The following AGPAT5 variants were observed in gnomAD, a reference collection of about 807,000 sequenced individuals.
AGPAT5 encodes the protein 1-acylglycerol-3-phosphate O-acyltransferase 5.
AGPAT5 carries 46 observed loss-of-function variants against 45.6 expected under a neutral mutation model. The ratio of observed to expected loss-of-function variants is 1.01; its 90% CI spans 0.80 to 1.29. AGPAT5 has a LOEUF of 1.29. Ranked by LOEUF, AGPAT5 falls within the 50% of genes most tolerant of loss-of-function variation. The probability of loss-of-function intolerance (pLI) is 0.00; values close to 1 mark genes in which losing one functional copy is unlikely to be tolerated. For synonymous variants in AGPAT5, 272 were observed against 167.0 expected (o/e 1.63, Z -4.85); for missense variants, 673 against 450.7 (o/e 1.49, Z -4.47).
intron 1 of AGPAT5, among the ~76,000 whole-genome samples, chr8:6,711,465 C>T (rs1262915248): frequency 6.6e-6 from 1 of 152,216 alleles, no homozygotes; most frequent in Non-Finnish European, 1.5e-5. Context: ...GTACTTTCTT[C>T]ACCATTTATT....
intron 1 of AGPAT5, among the ~76,000 whole-genome samples, chr8:6,723,261 C>CT (rs1800567641): frequency 6.6e-6 from 1 of 152,166 alleles, no homozygotes; most frequent in Non-Finnish European, 1.5e-5. Context: ...CTCATAGTCC[C>CT]TAAGGGGCTG....
chr8:6,717,797 C>CTTTACGGGT (rs36098231), intron 1 of AGPAT5, among the ~76,000 whole-genome samples: 5,030 of 152,196 alleles, frequency 0.033, 275 homozygotes, highest in African/African-American at 0.11. Flanking sequence ...TTTAATTTTA[C>CTTTACGGGT]TCCTTGTAAT....
At chr8:6,729,357 T>TTC (rs1800788538) in intron 2 of AGPAT5, among the ~76,000 whole-genome samples, 1 of 151,812 alleles carries the variant, frequency 6.6e-6, no homozygotes, top group African/African-American at 2.4e-5. Flanking sequence ...TTTTTTTTTT[T>TTC]TTAACATTTC....
intron 4 of AGPAT5, among the ~76,000 whole-genome samples, chr8:6,739,835 T>G (rs1801182302): frequency 6.6e-6 from 1 of 152,132 alleles, no homozygotes; most frequent in Non-Finnish European, 1.5e-5. Context: ...ATTCCTCATC[T>G]TTAGGGAAAA....
rs144266245 is a variant in AGPAT5 at position 6,746,962 on chromosome 8, T to C, written c.587-708T>C. ...GATTTGTTCTGGATAATTGCAGTAGTCCCCCAGCTAAAGAACCTTTTAAAA... is the reference window on the plus strand; with the variant it reads ...GATTTGTTCTGGATAATTGCAGTAGCCCCCCAGCTAAAGAACCTTTTAAAA... On this transcript the variant is annotated intron_variant, in intron 5 of 7. Transcript: ENST00000285518. Among the ~76,000 whole-genome samples, 499 of 152,214 alleles carry C rather than the reference T, an allele frequency of 3.3e-3. 3 individuals are homozygous for C. The highest frequency in any genetic ancestry group is 0.011 in the African/African-American group (457 of 41,534).
intron 4 of AGPAT5, among the ~76,000 whole-genome samples, chr8:6,734,944 C>T (rs1390365108): frequency 6.6e-6 from 1 of 152,138 alleles, no homozygotes; most frequent in Non-Finnish European, 1.5e-5. Flanking sequence ...TTTCACATAG[C>T]ACCTTGGAGT....
chr8:6,720,954 T>C (rs1800476864), intron 1 of AGPAT5, among the ~76,000 whole-genome samples: 1 of 152,180 alleles, frequency 6.6e-6, no homozygotes, highest in South Asian at 2.1e-4. Context: ...CACCTAGTCA[T>C]TACAGTTTTG....
intron 4 of AGPAT5, among the ~76,000 whole-genome samples, chr8:6,734,616 C>G (rs189335578): frequency 2.0e-5 from 3 of 152,248 alleles, no homozygotes; most frequent in Middle Eastern, 3.4e-3. Context: ...ATTTTGATTA[C>G]TTTATCTCTT....
chr8:6,747,866 T>G, intron 6 of AGPAT5, 38 bp downstream of exon 6: 1 of 1,598,282 alleles, frequency 6.3e-7, no homozygotes, highest in Non-Finnish European at 8.5e-7. Flanking sequence ...CTGTACACGG[T>G]ATATACAGTG....
chr8:6,714,567 C>A (rs1800259320), intron 1 of AGPAT5, among the ~76,000 whole-genome samples: 1 of 152,180 alleles, frequency 6.6e-6, no homozygotes, highest in African/African-American at 2.4e-5. Flanking sequence ...ATCACAGATG[C>A]AATTATACAT....
intron 6 of AGPAT5, among the ~76,000 whole-genome samples, chr8:6,753,163 C>T (rs6996864): frequency 3.3e-5 from 5 of 152,194 alleles, no homozygotes; most frequent in African/African-American, 7.2e-5. Context: ...ATGCACATTT[C>T]GGAGTGCTTT....
intron 5 of AGPAT5, 27 bp downstream of exon 5, chr8:6,741,778 A>G (rs1179224685): frequency 1.1e-5 from 17 of 1,524,124 alleles, no homozygotes; most frequent in African/African-American, 1.4e-5. Flanking sequence ...GTGTTTGAAC[A>G]AATAATTTTC....
At chr8:6,724,514 TC>T (rs1396275621) in intron 1 of AGPAT5, among the ~76,000 whole-genome samples, 1 of 152,248 alleles carries the variant, frequency 6.6e-6, no homozygotes, top group Non-Finnish European at 1.5e-5. Context: ...TCATTACAGT[TC>T]CTGTGGACAT....
intron 2 of AGPAT5, among the ~76,000 whole-genome samples, chr8:6,727,334 G>T (rs555088197): frequency 6.6e-6 from 1 of 151,760 alleles, no homozygotes; most frequent in Non-Finnish European, 1.5e-5. Context: ...AGGATATAGT[G>T]GCTGTTATTT....
At position 6,724,955 on chromosome 8, in the gene AGPAT5, G is replaced by C; in HGVS notation, c.289+16G>C. The stretch of plus-strand genomic sequence containing the variant: ...CAAAGCACAGGTTTGTATTTCATTT[G>C]CATGAAACATAGGTTTTTCTACAGA... On this transcript the variant is annotated intron_variant, in intron 2 of 7. Coordinates refer to ENST00000285518, the MANE Select transcript of AGPAT5 (RefSeq NM_018361.5). 1.9e-6 allele frequency: 2 copies of C among 1,080,370 alleles called. No homozygotes were observed. Among genetic ancestry groups the C allele is most frequent in the Middle Eastern group, 2.2e-4 (1 of 4,460 alleles). 66.9% of individuals were successfully genotyped at this position (1,080,370 alleles called of 1,614,324 possible).
intron 1 of AGPAT5, 145 bp downstream of exon 1, chr8:6,709,032 T>C: frequency 3.8e-6 from 3 of 799,324 alleles, no homozygotes; most frequent in Non-Finnish European, 6.3e-6. Context: ...CCCGCCTTCC[T>C]CTCCGCATGC....
Position 6,708,725 on chromosome 8 carries a change from C to G in AGPAT5, c.57C>G (p.Val19=), listed in dbSNP as rs765104261. 1.2e-6 allele frequency: 2 copies of G among 1,607,036 alleles called. No individual in the cohort carries two copies. The highest frequency in any genetic ancestry group is 1.1e-5 in the South Asian group (1 of 90,944). ...CCATGCGCTACCTGCTGCCCAGCGT[C>G]GTGCTCCTGGGCACGGCGCCCACCT... ...TYSMRYLLPS[V]VLLGTAPTYV... Residue 19 remains valine (V), a synonymous_variant, in exon 1 of 8, where the codon GTC becomes GTG. Transcript: ENST00000285518.
At chr8:6,727,539 G>A (rs1490999373) in intron 2 of AGPAT5, among the ~76,000 whole-genome samples, 2 of 151,986 alleles carry the variant, frequency 1.3e-5, no homozygotes, top group Non-Finnish European at 2.9e-5. Flanking sequence ...GCACCACCAC[G>A]CCTGGCTAAT....
intron 1 of AGPAT5, among the ~76,000 whole-genome samples, chr8:6,719,542 A>T (rs1190567354): frequency 6.6e-6 from 1 of 152,190 alleles, no homozygotes; most frequent in African/African-American, 2.4e-5. Flanking sequence ...CATTTGGTAG[A>T]TTATGTGGTT....
Sources: allele counts gnomAD v4.1 joint callset (sites outside exome capture counted in the v4.1 genomes callset), GRCh38; gene constraint gnomAD v4.1.1; transcripts MANE v1.5; gene names NCBI Gene and HGNC (gene_info 2026-07-23, HGNC 2026-07-21).